The following SGCZ variants were observed in gnomAD, a reference collection of about 807,000 sequenced individuals.
SGCZ encodes zeta-sarcoglycan.
Under a neutral mutation model 41.3 loss-of-function variants are expected in SGCZ, and 40 were observed. The observed-to-expected ratio is 0.97, with a 90% CI of 0.75 to 1.26. The LOEUF is 1.26. Ranked by LOEUF, SGCZ falls within the 50% of genes most tolerant of loss-of-function variation. The pLI is 0.00. For missense variants in SGCZ, 552 were observed against 369.8 expected (o/e 1.49, Z -4.04); for synonymous variants, 206 against 137.5 (o/e 1.50, Z -3.49).
chr8:15,164,935 G>A (rs1427827661), intron 1 of SGCZ, among the ~76,000 whole-genome samples: 1 of 152,032 alleles, frequency 6.6e-6, no homozygotes, highest in Non-Finnish European at 1.5e-5. Flanking sequence ...GTCTCTTAAA[G>A]GGCCCCACCC....
At chr8:14,140,882 GAAC>G (rs1395197524) in intron 5 of SGCZ, among the ~76,000 whole-genome samples, 3 of 152,104 alleles carry the variant, frequency 2.0e-5, no homozygotes, top group Non-Finnish European at 4.4e-5. Flanking sequence ...TAAGCAAAAA[GAAC>G]AACACTGGAG....
intron 5 of SGCZ, among the ~76,000 whole-genome samples, chr8:14,118,624 G>A (rs776832504): frequency 5.3e-5 from 8 of 152,092 alleles, no homozygotes; most frequent in Non-Finnish European, 8.8e-5. Flanking sequence ...TTTTAGTCAT[G>A]AGGTCTTTGC....
In SGCZ at chr8:14,361,117, C is replaced by T. The variant is rs778132354; in HGVS notation, c.235-36913G>A. ...AAAATGTCTCTTCATGTCTTGGACT[C>T]GCTAATTGGATTGTTTCTTTGTTAA... is the stretch of plus-strand genomic sequence containing the variant. On this transcript the variant is annotated intron_variant, in intron 2 of 7. Transcript: ENST00000382080. Among the ~76,000 whole-genome samples, 9 of 152,128 alleles carry T rather than the reference C, an allele frequency of 5.9e-5. No individual in the cohort carries two copies. The South Asian group carries it at 6.2e-4, about 10-fold the overall frequency.
At chr8:15,225,272 T>C (rs1563194111) in intron 1 of SGCZ, among the ~76,000 whole-genome samples, 1 of 152,064 alleles carries the variant, frequency 6.6e-6, no homozygotes, top group Non-Finnish European at 1.5e-5. Flanking sequence ...GTTAAAAGCG[T>C]ACAATGCAGC....
intron 2 of SGCZ, among the ~76,000 whole-genome samples, chr8:14,427,413 T>C (rs571212317): frequency 2.4e-4 from 37 of 152,250 alleles, no homozygotes; most frequent in Middle Eastern, 3.4e-3. Context: ...GTTTGGACCA[T>C]GTAAATTCTT....
At chr8:14,186,305 G>C (rs1804899691) in intron 4 of SGCZ, among the ~76,000 whole-genome samples, 1 of 152,232 alleles carries the variant, frequency 6.6e-6, no homozygotes, top group Admixed American at 6.5e-5. Flanking sequence ...AGCAGAAGCA[G>C]AGAGAGACTG....
chr8:15,217,146 G>C lies in SGCZ; in HGVS notation c.39+20439C>G, dbSNP rs371532111. 5.3e-3 allele frequency among the ~76,000 whole-genome samples: 806 copies of C among 152,236 alleles called. 6 individuals are homozygous for C. Among genetic ancestry groups the C allele is most frequent in the African/African-American group, 0.018 (755 of 41,542 alleles). ...GTTAAGAATTGAACTGGCCGGGCGC[G>C]GTGGCTCACGCCTGTAATCCCAGCA... On this transcript the variant is annotated intron_variant, in intron 1 of 7. Coordinates refer to ENST00000382080, the MANE Select transcript of SGCZ (RefSeq NM_139167.4).
intron 2 of SGCZ, among the ~76,000 whole-genome samples, chr8:14,538,447 G>A (rs1208185518): frequency 6.6e-6 from 1 of 151,880 alleles, no homozygotes; most frequent in Non-Finnish European, 1.5e-5. Context: ...GATGCCATGG[G>A]TGAACCAAGA....
chr8:15,234,766 A>T (rs1005680277), intron 1 of SGCZ, among the ~76,000 whole-genome samples: 2 of 152,180 alleles, frequency 1.3e-5, no homozygotes, highest in Non-Finnish European at 2.9e-5. Flanking sequence ...AGCAAAAAAT[A>T]AAAAAATTGT....
intron 1 of SGCZ, among the ~76,000 whole-genome samples, chr8:14,892,907 A>G (rs1478820667): frequency 6.6e-6 from 1 of 152,194 alleles, no homozygotes; most frequent in East Asian, 1.9e-4. Flanking sequence ...GGCACTGCTT[A>G]GACCAAGAAG....
At chr8:14,937,169 ACAG>A (rs1800109674) in intron 1 of SGCZ, among the ~76,000 whole-genome samples, 1 of 151,880 alleles carries the variant, frequency 6.6e-6, no homozygotes, top group Admixed American at 6.6e-5. Flanking sequence ...GAAAAGAGAA[ACAG>A]TAAAAATTAG....
At chr8:14,627,490 C>G (rs184445387) in intron 1 of SGCZ, among the ~76,000 whole-genome samples, 1 of 152,062 alleles carries the variant, frequency 6.6e-6, no homozygotes, top group Non-Finnish European at 1.5e-5. Context: ...CCTATCCTCA[C>G]AAAGTCTTAT....
intron 2 of SGCZ, among the ~76,000 whole-genome samples, chr8:14,455,979 G>A (rs1800731385): frequency 6.6e-6 from 1 of 152,182 alleles, no homozygotes; most frequent in Non-Finnish European, 1.5e-5. Flanking sequence ...ACCTACAGTT[G>A]GAGGGGAGGG....
At chr8:14,407,364 G>T (rs1799240758) in intron 2 of SGCZ, among the ~76,000 whole-genome samples, 1 of 151,948 alleles carries the variant, frequency 6.6e-6, no homozygotes, top group Admixed American at 6.6e-5. Flanking sequence ...AAAATATTGT[G>T]TATCATATTA....
chr8:15,174,450 T>C (rs1307209419), intron 1 of SGCZ, among the ~76,000 whole-genome samples: 1 of 152,186 alleles, frequency 6.6e-6, no homozygotes, highest in Non-Finnish European at 1.5e-5. Context: ...ATTGATCTTT[T>C]ATTGACAGAG....
chr8:14,909,343 G>A (rs1383742763), intron 1 of SGCZ, among the ~76,000 whole-genome samples: 4 of 151,940 alleles, frequency 2.6e-5, no homozygotes, highest in African/African-American at 9.7e-5. Flanking sequence ...TTTTTGAAGT[G>A]TTTACATATT....
chr8:14,567,436 A>G (rs954367424), intron 1 of SGCZ, among the ~76,000 whole-genome samples: 4 of 152,268 alleles, frequency 2.6e-5, no homozygotes, highest in Admixed American at 2.0e-4. Context: ...TAGTGGGGAC[A>G]TGGAGAACTT....
In SGCZ at chr8:14,629,514, T is replaced by TA. The variant is rs200098217; in HGVS notation, c.40-74589dup. On this transcript the variant is annotated intron_variant, in intron 1 of 7. Transcript: ENST00000382080. ...AGTGGTCTAGATTCTGTGAGGGATA[T>TA]AAAAAGTGCATAAGATATCGGGAAG... Among the ~76,000 whole-genome samples, 1,337 of 152,166 alleles carry TA rather than the reference T, an allele frequency of 8.8e-3. 18 individuals are homozygous for TA. The highest frequency in any genetic ancestry group is 0.031 in the African/African-American group (1,268 of 41,496).
intron 4 of SGCZ, among the ~76,000 whole-genome samples, chr8:14,186,086 C>A (rs1363157768): frequency 6.6e-6 from 1 of 152,170 alleles, no homozygotes; most frequent in Non-Finnish European, 1.5e-5. Context: ...GGAATGGGGC[C>A]ACAGGGCTCC....
Sources: allele counts gnomAD v4.1 joint callset (sites outside exome capture counted in the v4.1 genomes callset), GRCh38; gene constraint gnomAD v4.1.1; transcripts MANE v1.5; gene names NCBI Gene and HGNC (gene_info 2026-07-23, HGNC 2026-07-21).